The following FMN1 variants were observed in gnomAD, a reference collection of about 807,000 sequenced individuals.
The protein encoded by FMN1 is formin 1, also known as formin-1.
In FMN1, 110 loss-of-function variants were observed where a neutral mutation model predicts 132.4. That is an observed-to-expected ratio of 0.83 (90% CI 0.71 to 0.97). The LOEUF is 0.97. Among genes scored for constraint, FMN1 ranks in the 50% least tolerant of loss-of-function variants. The pLI is 0.00. For missense variants in FMN1, 1,792 were observed against 1,705.3 expected, an observed-to-expected ratio of 1.05 and a Z score of -0.90; for synonymous variants, 722 against 651.7, an observed-to-expected ratio of 1.11 and a Z score of -1.64.
intron 5 of FMN1, among the ~76,000 whole-genome samples, chr15:33,081,215 C>T (rs1444487035): frequency 6.6e-6 from 1 of 152,206 alleles, no homozygotes; most frequent in Admixed American, 6.5e-5. Flanking sequence ...AGTACAGTCA[C>T]TCTTCTACCA....
chr15:33,057,906 A>G (rs143706815), intron 6 of FMN1, among the ~76,000 whole-genome samples: 13 of 140,766 alleles, frequency 9.2e-5, no homozygotes, highest in African/African-American at 3.2e-4. Context: ...AGTGTGCTCT[A>G]TTTGCTGAGC....
intron 4 of FMN1, among the ~76,000 whole-genome samples, chr15:33,096,280 C>T (rs980014214): frequency 2.0e-5 from 3 of 152,204 alleles, no homozygotes; most frequent in African/African-American, 7.2e-5. Flanking sequence ...TAACAATTAT[C>T]TTTACACAAT....
intron 4 of FMN1, among the ~76,000 whole-genome samples, chr15:33,121,919 G>C (rs574114492): frequency 1.3e-5 from 2 of 152,138 alleles, no homozygotes; most frequent in South Asian, 4.1e-4. Context: ...GAAAAATCTA[G>C]AACTTAATTA....
chr15:32,915,821 T>C (rs2060671101), intron 10 of FMN1, among the ~76,000 whole-genome samples: 1 of 152,238 alleles, frequency 6.6e-6, no homozygotes. Context: ...TCCTTAGTTG[T>C]CCCACTCACA....
chr15:33,136,482 C>T (rs1027372459), intron 4 of FMN1, among the ~76,000 whole-genome samples: 2 of 152,164 alleles, frequency 1.3e-5, no homozygotes, highest in African/African-American at 4.8e-5. Flanking sequence ...TAAACTCCCA[C>T]TTCCTAATTT....
intron 4 of FMN1, among the ~76,000 whole-genome samples, chr15:33,132,586 C>A (rs1163891416): frequency 6.6e-6 from 1 of 152,138 alleles, no homozygotes; most frequent in African/African-American, 2.4e-5. Flanking sequence ...ATGTATTATA[C>A]CCAGGATACT....
intron 4 of FMN1, among the ~76,000 whole-genome samples, chr15:33,125,562 G>A (rs1962977237): frequency 1.3e-5 from 2 of 152,100 alleles, no homozygotes; most frequent in African/African-American, 4.8e-5. Flanking sequence ...AGAATAGGTG[G>A]GGCATGGTGT....
chr15:33,049,512 G>T (rs1458451693), intron 6 of FMN1, among the ~76,000 whole-genome samples: 1 of 152,164 alleles, frequency 6.6e-6, no homozygotes, highest in Admixed American at 6.5e-5. Flanking sequence ...ATTTATGATG[G>T]TGATAGTGAT....
chr15:33,014,183 AGAG>A (rs1293921923), intron 6 of FMN1, among the ~76,000 whole-genome samples: 7 of 152,214 alleles, frequency 4.6e-5, no homozygotes, highest in African/African-American at 1.7e-4. Context: ...AGTTCACAAG[AGAG>A]TAGTAAGAGA....
chr15:32,964,887 A>G (rs879380823), intron 8 of FMN1, among the ~76,000 whole-genome samples: 47 of 152,136 alleles, frequency 3.1e-4, no homozygotes, highest in Admixed American at 1.8e-3. Flanking sequence ...CCTCCATTGC[A>G]CCTCATGGGA....
At chr15:33,005,174 A>T (rs1003148369) in intron 7 of FMN1, among the ~76,000 whole-genome samples, 22 of 151,940 alleles carry the variant, frequency 1.4e-4, no homozygotes, top group Middle Eastern at 3.2e-3. Flanking sequence ...ATGTACCCTA[A>T]AACTTAAAGT....
chr15:32,827,196 C>G (rs1320742669), intron 17 of FMN1, among the ~76,000 whole-genome samples: 1 of 152,182 alleles, frequency 6.6e-6, no homozygotes, highest in Non-Finnish European at 1.5e-5. Context: ...GCTTTACCGT[C>G]CATCTAGGAA....
intron 19 of FMN1, among the ~76,000 whole-genome samples, chr15:32,783,468 C>T (rs763106995): frequency 6.6e-6 from 1 of 152,006 alleles, no homozygotes; most frequent in Non-Finnish European, 1.5e-5. Flanking sequence ...GTAACCTGGC[C>T]GGGTGTGGTG....
chr15:33,154,173 G>T lies in FMN1; in HGVS notation c.742C>A (p.Leu248Ile), dbSNP rs1296216914. The change falls in exon 4 of 21, where the codon CTT becomes ATT. Residue 248 changes from leucine to isoleucine, a missense_variant. Physicochemically the swap from Leu to Ile is conservative, Grantham distance 5. This residue lies in a region of FMN1 where 638 missense variants were observed against 645.2 expected (regional missense o/e 0.99). Transcript: ENST00000616417. ...GCCGTCTCAAAGCTCCCAAAGCCAA[G>T]GTCTGTGTCTGGCGTCTTGGGAATA... ...PDIPKTPDTD[L>I]GFGSFETAFK... The T allele has an allele frequency of 2.0e-6, 3 of 1,536,430 alleles. No individual in the cohort carries two copies. The highest frequency in any genetic ancestry group is 2.6e-6 in the Non-Finnish European group (3 of 1,147,002).
intron 18 of FMN1, among the ~76,000 whole-genome samples, chr15:32,803,734 T>G (rs1325797714): frequency 1.3e-5 from 2 of 152,172 alleles, no homozygotes; most frequent in African/African-American, 4.8e-5. Flanking sequence ...CTAGTTGTAA[T>G]GCCAGGAAGG....
At chr15:33,016,662 T>C (rs1349740869) in intron 6 of FMN1, among the ~76,000 whole-genome samples, 1 of 152,202 alleles carries the variant, frequency 6.6e-6, no homozygotes, top group African/African-American at 2.4e-5. Flanking sequence ...ACACCTTTTG[T>C]CAGCGGGCCT....
intron 4 of FMN1, among the ~76,000 whole-genome samples, chr15:33,109,966 A>C (rs345769): frequency 0.38 from 57,940 of 151,956 alleles, 12,520 homozygotes; most frequent in East Asian, 0.69. Flanking sequence ...TCACCTAGCA[A>C]CTGGACACAG....
At chr15:33,171,904 T>G (rs1965335133) in intron 3 of FMN1, among the ~76,000 whole-genome samples, 1 of 152,096 alleles carries the variant, frequency 6.6e-6, no homozygotes, top group African/African-American at 2.4e-5. Context: ...AACACAATGA[T>G]TCGAATTAAA....
intron 18 of FMN1, among the ~76,000 whole-genome samples, chr15:32,801,457 A>G (rs754657943): frequency 2.3e-4 from 35 of 152,170 alleles, no homozygotes; most frequent in Non-Finnish European, 4.1e-4. Flanking sequence ...AGACAAAGAT[A>G]AAGTCGCTTC....
Sources: gnomAD v4.1 joint callset for allele counts (sites outside exome capture counted in the v4.1 genomes callset) on GRCh38, gnomAD v4.1.1 for gene constraint, gnomAD v4.1.1 regional missense constraint, MANE v1.5 for transcripts, NCBI Gene and HGNC (gene_info 2026-07-23, HGNC 2026-07-21) for gene names.